Variants in HCN1 observed in about 807,000 individuals in gnomAD.
HCN1 encodes potassium/sodium hyperpolarization-activated cyclic nucleotide-gated channel 1.
Under a neutral mutation model 78.9 loss-of-function variants are expected in HCN1, and 13 were observed. The observed-to-expected ratio is 0.16, with a 90% CI of 0.11 to 0.26. HCN1 has a LOEUF of 0.26. Ranked by LOEUF, HCN1 falls within the 10% of genes least tolerant of loss-of-function variation. HCN1 has a pLI of 1.00. For missense variants in HCN1, 810 were observed against 1,154.3 expected, an observed-to-expected ratio of 0.70 and a Z score of 4.32; for synonymous variants, 552 against 455.5, an observed-to-expected ratio of 1.21 and a Z score of -2.70.
chr5:45,416,172 T>TA, intron 3 of HCN1, among the ~76,000 whole-genome samples: 1 of 152,096 alleles, frequency 6.6e-6, no homozygotes, highest in Middle Eastern at 3.4e-3. Context: ...AAACTTGAAA[T>TA]AATGCAAAAT....
At position 45,258,472 on chromosome 5, in the gene HCN1, C is replaced by G. The variant is rs1349749252; in HGVS notation, c.*3449G>C. ...TGAAGAGGTCATCCAGACCTGGAGA[C>G]AAGCTACTTTTTTGGTGAATAGAAT... On this transcript the variant is annotated 3_prime_UTR_variant, in exon 8 of 8. Transcript: ENST00000303230. 2.0e-5 allele frequency: 3 copies of G among 152,134 alleles called. No homozygotes were observed. In the South Asian group the frequency reaches 6.2e-4, roughly 31 times the overall value. The allele number at this position is 152,134 out of a possible 1,614,324, so 9.4% of individuals were successfully genotyped here. A position where few individuals can be genotyped will look rare whatever the true frequency, so the allele number is the denominator to read the frequency against.
chr5:45,669,187 A>G (rs1746105299), intron 1 of HCN1, among the ~76,000 whole-genome samples: 1 of 151,892 alleles, frequency 6.6e-6, no homozygotes, highest in Admixed American at 6.6e-5. Flanking sequence ...GAGCAACTTT[A>G]AAGAAATTTA....
At chr5:45,306,357 T>C (rs577429557) in intron 5 of HCN1, among the ~76,000 whole-genome samples, 1 of 152,246 alleles carries the variant, frequency 6.6e-6, no homozygotes, top group East Asian at 1.9e-4. Context: ...TTTAGTCATA[T>C]GAATAACTTG....
At chr5:45,267,529 G>A (rs1744884142) in intron 6 of HCN1, among the ~76,000 whole-genome samples, 1 of 151,648 alleles carries the variant, frequency 6.6e-6, no homozygotes, top group African/African-American at 2.4e-5. Flanking sequence ...CAGCACTTTG[G>A]GAGGCCGAGG....
chr5:45,479,124 T>A lies in HCN1; in HGVS notation c.850-17117A>T, dbSNP rs146917093. Among the ~76,000 whole-genome samples, 427 of 137,132 alleles carry A rather than the reference T, an allele frequency of 3.1e-3. 4 individuals are homozygous for A. The highest frequency in any genetic ancestry group is 0.011 in the Middle Eastern group (3 of 274). 90.0% of individuals were successfully genotyped at this position (137,132 alleles called of 152,430 possible). On this transcript the variant is annotated intron_variant, in intron 2 of 7. Coordinates refer to ENST00000303230, the MANE Select transcript of HCN1 (RefSeq NM_021072.4). ...CCTGGGCTACAGAGCGAGACTGTTT[T>A]AAAAAAAAAAAAAAAAGAATGAGTT... is the stretch of plus-strand genomic sequence containing the variant.
chr5:45,371,976 T>A (rs1452976244), intron 4 of HCN1, among the ~76,000 whole-genome samples: 1 of 36,544 alleles, frequency 2.7e-5, no homozygotes, highest in Non-Finnish European at 4.5e-5. Flanking sequence ...TTATATTATG[T>A]ATATTATATA....
intron 5 of HCN1, among the ~76,000 whole-genome samples, chr5:45,320,429 C>A (rs914081935): frequency 6.6e-6 from 1 of 151,782 alleles, no homozygotes; most frequent in Non-Finnish European, 1.5e-5. Flanking sequence ...GAGTCAACAT[C>A]TATTGAGTTC....
intron 2 of HCN1, among the ~76,000 whole-genome samples, chr5:45,594,057 C>A (rs895132819): frequency 4.6e-5 from 7 of 152,136 alleles, no homozygotes; most frequent in Non-Finnish European, 8.8e-5. Flanking sequence ...TTAAGACTTG[C>A]AGACCTCTTA....
intron 2 of HCN1, among the ~76,000 whole-genome samples, chr5:45,550,935 A>G (rs186618170): frequency 2.0e-5 from 3 of 152,044 alleles, no homozygotes; most frequent in Admixed American, 2.0e-4. Context: ...GCTAATTTCC[A>G]TTTCTATGGA....
intron 2 of HCN1, among the ~76,000 whole-genome samples, chr5:45,521,924 A>T (rs1742620124): frequency 6.6e-6 from 1 of 152,094 alleles, no homozygotes; most frequent in African/African-American, 2.4e-5. Context: ...TTCCAATTTA[A>T]CTAAAACTCA....
chr5:45,435,265 G>A (rs1224013748), intron 3 of HCN1, among the ~76,000 whole-genome samples: 1 of 152,140 alleles, frequency 6.6e-6, no homozygotes, highest in Non-Finnish European at 1.5e-5. Context: ...ACTGAAGCTT[G>A]CATGTTATCA....
At chr5:45,315,191 G>T (rs557846160) in intron 5 of HCN1, among the ~76,000 whole-genome samples, 1 of 152,278 alleles carries the variant, frequency 6.6e-6, no homozygotes, top group African/African-American at 2.4e-5. Context: ...AAATGTAAAA[G>T]AACAGAAATT....
rs199860309 is a variant in HCN1, at chr5:45,454,490, T to TA, written c.1011+7355dup. Among the ~76,000 whole-genome samples, 717 of 147,454 alleles carry TA rather than the reference T, an allele frequency of 4.9e-3. 6 individuals are homozygous for TA. Among genetic ancestry groups the TA allele is most frequent in the East Asian group, 0.012 (62 of 5,060 alleles). On this transcript the variant is annotated intron_variant, in intron 3 of 7. Coordinates refer to ENST00000303230, the MANE Select transcript of HCN1 (RefSeq NM_021072.4). ...CCCTTTGTTAGGTCTTAAAAAAAAA[T>TA]AAAAAAAAATAAAAAAAAATAAAAT...
intron 2 of HCN1, among the ~76,000 whole-genome samples, chr5:45,595,638 T>C (rs1744474693): frequency 6.6e-6 from 1 of 152,166 alleles, no homozygotes; most frequent in African/African-American, 2.4e-5. Flanking sequence ...TTTAGTTAAA[T>C]GAATAGAGAC....
At chr5:45,392,113 T>C (rs904403859) in intron 4 of HCN1, among the ~76,000 whole-genome samples, 1 of 152,132 alleles carries the variant, frequency 6.6e-6, no homozygotes, top group Non-Finnish European at 1.5e-5. Context: ...ATCTTAACCA[T>C]AATTATTTTA....
Position 45,303,489 on chromosome 5 carries a change from C to G in HCN1, c.1618+110G>C, listed in dbSNP as rs992066974. 18 of 1,028,272 alleles carry G rather than the reference C, an allele frequency of 1.8e-5. No individual in the cohort carries two copies. The South Asian group carries it at 2.2e-4, about 13-fold the overall frequency. 63.7% of individuals were successfully genotyped at this position (1,028,272 alleles called of 1,614,324 possible). ...AGACACTTTTATCAGAATTCACATA[C>G]AGGTTTACATTCAAAACCAAAAAAC... On this transcript the variant is annotated intron_variant, in intron 6 of 7. Transcript: ENST00000303230.
chr5:45,648,746 C>T (rs1266319841), intron 1 of HCN1, among the ~76,000 whole-genome samples: 1 of 151,972 alleles, frequency 6.6e-6, no homozygotes, highest in Non-Finnish European at 1.5e-5. Flanking sequence ...ATGTCTTGCA[C>T]ATTTTATTAC....
intron 2 of HCN1, among the ~76,000 whole-genome samples, chr5:45,506,144 A>G (rs1273263599): frequency 6.6e-6 from 1 of 152,196 alleles, no homozygotes; most frequent in Non-Finnish European, 1.5e-5. Context: ...GTTACAGATT[A>G]CATTTATCTG....
chr5:45,593,291 T>TTCTCTC (rs372080697), intron 2 of HCN1, among the ~76,000 whole-genome samples: 26 of 124,468 alleles, frequency 2.1e-4, no homozygotes, highest in Non-Finnish European at 3.3e-4. Context: ...TAGAGGTATA[T>TTCTCTC]TCTCTCTCTC....
Sources: gnomAD v4.1 joint callset for allele counts (sites outside exome capture counted in the v4.1 genomes callset) on GRCh38, gnomAD v4.1.1 for gene constraint, MANE v1.5 for transcripts, NCBI Gene and HGNC (gene_info 2026-07-23, HGNC 2026-07-21) for gene names.